The following RIT2 variants were observed in gnomAD, a reference collection of about 807,000 sequenced individuals.
RIT2 encodes Ras like without CAAX 2, also known as GTP-binding protein Rit2.
Under a neutral mutation model 23.7 loss-of-function variants are expected in RIT2, and 24 were observed. The observed-to-expected ratio is 1.01, with a 90% CI of 0.73 to 1.43. The LOEUF is 1.43. Ranked by LOEUF, RIT2 falls within the 40% of genes most tolerant of loss-of-function variation. The probability of loss-of-function intolerance (pLI) is 0.00; values close to 1 mark genes in which losing one functional copy is unlikely to be tolerated. For synonymous variants in RIT2, 107 were observed against 91.1 expected, an observed-to-expected ratio of 1.17 and a Z score of -0.99; for missense variants, 236 against 266.9, an observed-to-expected ratio of 0.88 and a Z score of 0.81.
intron 1 of RIT2, among the ~76,000 whole-genome samples, chr18:43,095,147 A>G (rs1358533478): frequency 2.6e-5 from 4 of 152,146 alleles, no homozygotes; most frequent in Non-Finnish European, 1.5e-5. Context: ...ACTGTCCTCC[A>G]CAATGGTTGA....
intron 1 of RIT2, among the ~76,000 whole-genome samples, chr18:43,058,011 A>C (rs1319970005): frequency 6.6e-6 from 1 of 152,080 alleles, no homozygotes; most frequent in Non-Finnish European, 1.5e-5. Flanking sequence ...TGTATCAGGA[A>C]GATTTTAATT....
At chr18:42,990,979 T>C (rs779742021) in intron 2 of RIT2, among the ~76,000 whole-genome samples, 16 of 151,724 alleles carry the variant, frequency 1.1e-4, no homozygotes, top group Non-Finnish European at 1.9e-4. Context: ...GATTTGGTGT[T>C]GCTTCTTAAA....
chr18:42,847,162 C>T (rs1050115105), intron 4 of RIT2, among the ~76,000 whole-genome samples: 26 of 152,122 alleles, frequency 1.7e-4, no homozygotes, highest in African/African-American at 6.3e-4. Flanking sequence ...TTCAGTTGAA[C>T]AAACCTGAAC....
chr18:42,994,243 A>G (rs984185039), intron 2 of RIT2, among the ~76,000 whole-genome samples: 1 of 152,152 alleles, frequency 6.6e-6, no homozygotes, highest in African/African-American at 2.4e-5. Context: ...TACTGCCACA[A>G]GGCTTCACGG....
intron 3 of RIT2, among the ~76,000 whole-genome samples, chr18:42,940,236 C>CCATATATATATATATATA (rs10650068): frequency 1.1e-5 from 1 of 86,992 alleles, no homozygotes; most frequent in African/African-American, 4.4e-5. Context: ...GAAAGGCTCA[C>CCATATATATATATATATA]TATATATATA....
At chr18:43,019,532 A>T (rs1379899457) in intron 2 of RIT2, among the ~76,000 whole-genome samples, 1 of 152,020 alleles carries the variant, frequency 6.6e-6, no homozygotes, top group Non-Finnish European at 1.5e-5. Flanking sequence ...TAGAAGTAAC[A>T]TACCTAACAT....
At chr18:43,080,607 T>G (rs1913134652) in intron 1 of RIT2, among the ~76,000 whole-genome samples, 1 of 152,202 alleles carries the variant, frequency 6.6e-6, no homozygotes, top group African/African-American at 2.4e-5. Flanking sequence ...GTTTTTACAT[T>G]TAGGCTTGAA....
intron 2 of RIT2, among the ~76,000 whole-genome samples, chr18:43,029,751 G>A (rs1303615623): frequency 6.6e-6 from 1 of 152,000 alleles, no homozygotes; most frequent in East Asian, 1.9e-4. Context: ...ATTGAATAAA[G>A]AGGAAGGATT....
At chr18:43,087,245 A>T (rs113088705) in intron 1 of RIT2, among the ~76,000 whole-genome samples, 2,816 of 152,188 alleles carry the variant, frequency 0.019, 90 homozygotes, top group African/African-American at 0.063. Flanking sequence ...CTGTCTCAAA[A>T]AAAATAAAAT....
chr18:42,831,745 T>C (rs1353176518), intron 4 of RIT2, among the ~76,000 whole-genome samples: 2 of 152,192 alleles, frequency 1.3e-5, no homozygotes, highest in African/African-American at 4.8e-5. Flanking sequence ...AAACATACAC[T>C]TAACTAGGAA....
At chr18:43,105,456 G>A (rs959562654) in intron 1 of RIT2, among the ~76,000 whole-genome samples, 8 of 148,592 alleles carry the variant, frequency 5.4e-5, no homozygotes, top group African/African-American at 2.0e-4. Flanking sequence ...AAAAAAGGAA[G>A]GGAGGAAGGG....
intron 2 of RIT2, among the ~76,000 whole-genome samples, chr18:43,013,247 T>C (rs907354454): frequency 1.3e-5 from 2 of 151,914 alleles, no homozygotes; most frequent in African/African-American, 2.4e-5. Context: ...AAAATTGTTA[T>C]AGTACTTTAA....
At chr18:42,797,618 C>A (rs1905406326) in intron 4 of RIT2, among the ~76,000 whole-genome samples, 1 of 152,018 alleles carries the variant, frequency 6.6e-6, no homozygotes, top group Non-Finnish European at 1.5e-5. Flanking sequence ...AATGCAAGAC[C>A]CCCAAGATCT....
intron 4 of RIT2, among the ~76,000 whole-genome samples, chr18:42,842,512 G>A (rs1192164061): frequency 1.3e-5 from 2 of 152,030 alleles, no homozygotes; most frequent in South Asian, 4.1e-4. Flanking sequence ...CATTATAGGA[G>A]ATGGTGGGAC....
chr18:42,780,055 T>G (rs1194386114), intron 4 of RIT2, among the ~76,000 whole-genome samples: 1 of 130,924 alleles, frequency 7.6e-6, no homozygotes, highest in South Asian at 2.6e-4. Flanking sequence ...AGGTTTTTTT[T>G]TTTTTTTTTT....
intron 4 of RIT2, among the ~76,000 whole-genome samples, chr18:42,747,219 T>C (rs1912938743): frequency 6.6e-6 from 1 of 152,068 alleles, no homozygotes; most frequent in Non-Finnish European, 1.5e-5. Context: ...AAAGTTTATA[T>C]ACACGAATCA....
At chr18:42,772,903 A>C (rs1195461886) in intron 4 of RIT2, among the ~76,000 whole-genome samples, 5 of 152,158 alleles carry the variant, frequency 3.3e-5, no homozygotes, top group Non-Finnish European at 1.5e-5. Context: ...GCTGCACACC[A>C]GGTCTAGTGA....
chr18:43,091,775 G>T (rs1457560558), intron 1 of RIT2, among the ~76,000 whole-genome samples: 2 of 152,040 alleles, frequency 1.3e-5, no homozygotes, highest in Admixed American at 1.3e-4. Context: ...GATTCTGAAT[G>T]CTCCTGGTCT....
At chr18:43,004,542 C>T (rs1911183303) in intron 2 of RIT2, among the ~76,000 whole-genome samples, 1 of 151,832 alleles carries the variant, frequency 6.6e-6, no homozygotes, top group Non-Finnish European at 1.5e-5. Context: ...TACTGGGAGG[C>T]CTCAAATGCC....
Sources: gnomAD v4.1 joint callset for allele counts (sites outside exome capture counted in the v4.1 genomes callset) on GRCh38, gnomAD v4.1.1 for gene constraint, MANE v1.5 for transcripts, NCBI Gene and HGNC (gene_info 2026-07-23, HGNC 2026-07-21) for gene names.